RBFOX1: variants seen among roughly 807,000 people sequenced by gnomAD.
RBFOX1 encodes the protein RNA binding fox-1 homolog 1.
Under a neutral mutation model 57.7 loss-of-function variants are expected in RBFOX1, and 8 were observed. The ratio of observed to expected loss-of-function variants is 0.14; its 90% CI spans 0.08 to 0.25. The LOEUF (loss-of-function observed/expected upper bound fraction) is 0.25. RBFOX1 is among the 10% of genes least tolerant of loss of function. The pLI is 1.00. For synonymous variants in RBFOX1, 326 were observed against 222.4 expected, an observed-to-expected ratio of 1.47 and a Z score of -4.15; for missense variants, 611 against 548.5, an observed-to-expected ratio of 1.11 and a Z score of -1.14.
intron 3 of RBFOX1, among the ~76,000 whole-genome samples, chr16:6,700,634 G>A (rs1376035167): frequency 6.6e-6 from 1 of 151,786 alleles, no homozygotes; most frequent in Non-Finnish European, 1.5e-5. Context: ...CTCCAGCCTG[G>A]GCAACAAAAA....
At chr16:6,823,008 A>G (rs760049520) in intron 3 of RBFOX1, among the ~76,000 whole-genome samples, 2 of 152,004 alleles carry the variant, frequency 1.3e-5, no homozygotes, top group Non-Finnish European at 2.9e-5. Flanking sequence ...TACTTTGCTT[A>G]GTACTGTATG....
chr16:6,125,369 A>G (rs1484498438), intron 1 of RBFOX1, among the ~76,000 whole-genome samples: 2 of 152,168 alleles, frequency 1.3e-5, no homozygotes, highest in Non-Finnish European at 2.9e-5. Flanking sequence ...GAAAAGCAAT[A>G]GAATAGGTGT....
chr16:6,168,095 A>G (rs1375913419), intron 1 of RBFOX1, among the ~76,000 whole-genome samples: 1 of 152,140 alleles, frequency 6.6e-6, no homozygotes, highest in Non-Finnish European at 1.5e-5. Flanking sequence ...CTAGTCTAAC[A>G]ATGGGGGCAC....
At chr16:5,974,834 C>G (rs915664416) in intron 4 of RBFOX1, among the ~76,000 whole-genome samples, 2 of 151,952 alleles carry the variant, frequency 1.3e-5, no homozygotes, top group East Asian at 1.9e-4. Flanking sequence ...CATGGAGAAA[C>G]CCTGTCTCTA....
chr16:6,643,215 T>TG (rs1429345701), intron 2 of RBFOX1, among the ~76,000 whole-genome samples: 2 of 152,190 alleles, frequency 1.3e-5, no homozygotes, highest in African/African-American at 4.8e-5. Flanking sequence ...CCTGATGAAT[T>TG]GGATACTCTT....
At chr16:5,261,375 G>GT (rs916585266) in intron 1 of RBFOX1, among the ~76,000 whole-genome samples, 12 of 140,662 alleles carry the variant, frequency 8.5e-5, no homozygotes, top group East Asian at 3.9e-4. Flanking sequence ...TATGAAGACT[G>GT]TTTTTTTTAA....
At chr16:7,622,489 G>A (rs7196709) in intron 10 of RBFOX1, among the ~76,000 whole-genome samples, 7,969 of 152,234 alleles carry the variant, frequency 0.052, 245 homozygotes, top group African/African-American at 0.085. Context: ...CAGTTGGAGT[G>A]AGTCATTAAA....
intron 3 of RBFOX1, among the ~76,000 whole-genome samples, chr16:5,755,683 C>T (rs778677579): frequency 6.6e-6 from 1 of 152,196 alleles, no homozygotes; most frequent in Admixed American, 6.5e-5. Context: ...ACTGCAGCCT[C>T]CGCCTACCAG....
At chr16:5,619,997 A>AG (rs528552276) in intron 3 of RBFOX1, among the ~76,000 whole-genome samples, 12 of 151,490 alleles carry the variant, frequency 7.9e-5, no homozygotes, top group East Asian at 1.9e-4. Flanking sequence ...AAAAAAAAAA[A>AG]AAAGAAAGAA....
intron 3 of RBFOX1, among the ~76,000 whole-genome samples, chr16:6,682,769 A>G (rs1330585579): frequency 6.6e-6 from 1 of 151,688 alleles, no homozygotes; most frequent in African/African-American, 2.4e-5. Flanking sequence ...ATACTAAAAT[A>G]TTTCAGGGTG....
chr16:7,706,434 A>G (rs1015781564), intron 14 of RBFOX1, among the ~76,000 whole-genome samples: 5 of 152,212 alleles, frequency 3.3e-5, no homozygotes, highest in African/African-American at 1.2e-4. Flanking sequence ...GGTTGAAACT[A>G]TGCCCAGCGT....
In RBFOX1 at chr16:6,836,787, G is replaced by T. The variant is rs139145440; in HGVS notation, c.-16+182137G>T. Among the ~76,000 whole-genome samples, 497 of 152,176 alleles carry T rather than the reference G, an allele frequency of 3.3e-3. 3 individuals are homozygous for T. The highest frequency in any genetic ancestry group is 0.011 in the African/African-American group (474 of 41,514). On this transcript the variant is annotated intron_variant, in intron 3 of 15. Transcript: ENST00000550418. ...TTCATTACAGAAATTTCTAATTTCT[G>T]TAATTAGAAAGTACAGATGTTTTTT...
At chr16:6,169,073 G>A (rs1204562908) in intron 1 of RBFOX1, among the ~76,000 whole-genome samples, 1 of 152,132 alleles carries the variant, frequency 6.6e-6, no homozygotes, top group Non-Finnish European at 1.5e-5. Context: ...ACTTCGTTTA[G>A]CCACATTCGG....
rs543635917 is a variant in RBFOX1 at position 5,727,315 on chromosome 16, A to G, written c.318+128354A>G. ...AACAAACAAATAAAACCATGATGTGAAGACTGACTTTACTTTTTGTTTCTT... is the reference window on the plus strand; with the variant it reads ...AACAAACAAATAAAACCATGATGTGGAGACTGACTTTACTTTTTGTTTCTT... On this transcript the variant is annotated intron_variant, in intron 3 of 19. Transcript: ENST00000641259. Among the ~76,000 whole-genome samples the G allele has an allele frequency of 3.1e-4, 47 of 152,268 alleles. No individual in the cohort carries two copies. The South Asian group carries it at 5.4e-3, about 17-fold the overall frequency.
intron 4 of RBFOX1, among the ~76,000 whole-genome samples, chr16:7,131,723 G>C (rs1447719431): frequency 6.6e-6 from 1 of 151,930 alleles, no homozygotes; most frequent in Non-Finnish European, 1.5e-5. Flanking sequence ...GCATACATCT[G>C]ACCAGAGGCT....
At chr16:7,120,984 T>C (rs73542940) in intron 4 of RBFOX1, among the ~76,000 whole-genome samples, 1,709 of 151,956 alleles carry the variant, frequency 0.011, 39 homozygotes, top group African/African-American at 0.039. Context: ...TTATGTACCA[T>C]ATTAACACAA....
intron 4 of RBFOX1, among the ~76,000 whole-genome samples, chr16:5,901,032 T>C (rs750644619): frequency 3.3e-5 from 5 of 152,228 alleles, no homozygotes; most frequent in Non-Finnish European, 2.9e-5. Context: ...GTTGCAGAGA[T>C]ACCTGCCTCC....
chr16:7,187,057 A>G (rs1322473831), intron 4 of RBFOX1, among the ~76,000 whole-genome samples: 2 of 150,980 alleles, frequency 1.3e-5, no homozygotes, highest in Non-Finnish European at 2.9e-5. Flanking sequence ...GGTCCCAGCT[A>G]CTTGGGAGGT....
chr16:5,363,315 G>A (rs1418373818), intron 1 of RBFOX1, among the ~76,000 whole-genome samples: 1 of 152,070 alleles, frequency 6.6e-6, no homozygotes. Flanking sequence ...AAAGTGGTGG[G>A]ATTACAGGCA....
Sources: allele counts gnomAD v4.1 joint callset (sites outside exome capture counted in the v4.1 genomes callset), GRCh38; gene constraint gnomAD v4.1.1; transcripts MANE v1.5; gene names NCBI Gene and HGNC (gene_info 2026-07-23, HGNC 2026-07-21).